The following SART3 variants were observed in gnomAD, a reference collection of about 807,000 sequenced individuals.
SART3 encodes spliceosome associated factor 3, U4/U6 recycling protein.
SART3 carries 44 observed loss-of-function variants against 122.3 expected under a neutral mutation model. The ratio of observed to expected loss-of-function variants is 0.36; its 90% CI spans 0.28 to 0.46. SART3 has a LOEUF of 0.46. Ranked by LOEUF, SART3 falls within the 20% of genes least tolerant of loss-of-function variation. The pLI, the probability that SART3 is intolerant of heterozygous loss-of-function variation, is 1.00. For synonymous variants in SART3, 442 were observed against 454.0 expected, an observed-to-expected ratio of 0.97 and a Z score of 0.34; for missense variants, 1,101 against 1,229.0, an observed-to-expected ratio of 0.90 and a Z score of 1.56.
At chr12:108,531,345 TTTC>T (rs1192716255) in intron 13 of SART3, 65 bp from the exon 14 acceptor site, 18 of 1,295,790 alleles carry the variant, frequency 1.4e-5, no homozygotes, top group Non-Finnish European at 1.7e-5. Flanking sequence ...CACATAAATT[TTTC>T]TTAATTTCTC....
At position 108,539,217 on chromosome 12, in the gene SART3, A is replaced by G. The variant is rs1485371044; in HGVS notation, c.907-128T>C. 3.4e-6 allele frequency: 3 copies of G among 883,988 alleles called. No homozygotes were observed. The East Asian group carries it at 7.9e-5, about 23-fold the overall frequency. The allele number at this position is 883,988 out of a possible 1,614,324, so 54.8% of individuals were successfully genotyped here. ...TCGCCAAATCCTCACTCTCAGAACC[A>G]CTCCACTATGGCCTCTACAACTTCT... On this transcript the variant is annotated intron_variant, in intron 6 of 18. Transcript: ENST00000546815.
At position 108,547,100 on chromosome 12, in the gene SART3, G is replaced by A. The variant is rs558371851; in HGVS notation, c.544+787C>T. ...CTCCCAAAGTTCTGGGATTACAGGC[G>A]TGAGCCACCACACCCAGCCTTAAAA... On this transcript the variant is annotated intron_variant, in intron 3 of 18. Transcript: ENST00000546815. 3.3e-5 allele frequency among the ~76,000 whole-genome samples: 5 copies of A among 152,330 alleles called. No individual in the cohort carries two copies. The South Asian group carries it at 8.3e-4, about 25-fold the overall frequency.
Position 108,561,114 on chromosome 12 carries a change from G to A in SART3, c.41C>T (p.Ala14Val), listed in dbSNP as rs934055359. 1 of 1,613,712 alleles carries A rather than the reference G, an allele frequency of 6.2e-7. No individual in the cohort carries two copies. Among genetic ancestry groups the A allele is most frequent in the East Asian group, 2.2e-5 (1 of 44,862 alleles). The change falls in exon 1 of 19, where the codon GCT becomes GTT. Residue 14 changes from alanine to valine, a missense_variant. Around this residue, in one of 2 missense-constraint regions of SART3, gnomAD observed 216 missense variants for 148.9 expected, o/e 1.45. Transcript: ENST00000546815. ...AGCCTTGGGCCCAGCCTTGGACTCA[G>A]CCTCGGGTTCTGAAGCCGAGGTTTC... The part of the protein sequence containing the change: ...AAETSASEPE[A>V]ESKAGPKADG...
At chr12:108,523,882 A>G (rs896415373) in intron 18 of SART3, 20 of 597,738 alleles carry the variant, frequency 3.3e-5, no homozygotes, top group South Asian at 2.8e-4. Context: ...GATCAGTGTG[A>G]CTATCACCTC....
chr12:108,554,725 A>G (rs1395077797), intron 1 of SART3, among the ~76,000 whole-genome samples: 1 of 150,238 alleles, frequency 6.7e-6, no homozygotes, highest in African/African-American at 2.4e-5. Flanking sequence ...TCCTTTTAAA[A>G]AACACAAAAA....
At chr12:108,537,701 T>C (rs1050510440) in intron 8 of SART3, 106 bp from the exon 9 acceptor site, 8 of 830,332 alleles carry the variant, frequency 9.6e-6, no homozygotes, top group African/African-American at 1.7e-5. Context: ...TAAAGACTAA[T>C]AGATGCAACA....
In SART3 at chr12:108,538,799, T is replaced by C. The variant is rs191584346; in HGVS notation, c.1062+135A>G. Reference sequence around the variant, plus strand: ...GAAACACTAAAACTTTCTAAACGAGTTGGCAAAGAGGAGAAAAAGCAGATG... The same window carrying C: ...GAAACACTAAAACTTTCTAAACGAGCTGGCAAAGAGGAGAAAAAGCAGATG... On this transcript the variant is annotated intron_variant, in intron 7 of 18. Coordinates refer to ENST00000546815, the MANE Select transcript of SART3 (RefSeq NM_014706.4). 1.2e-5 allele frequency: 13 copies of C among 1,047,306 alleles called. No individual in the cohort carries two copies. The Admixed American group carries it at 1.5e-4, about 12-fold the overall frequency. The allele number at this position is 1,047,306 out of a possible 1,614,324, so 64.9% of individuals were successfully genotyped here.
intron 11 of SART3, 166 bp from the exon 12 acceptor site, chr12:108,535,634 C>T (rs1167154898): frequency 2.9e-6 from 2 of 686,524 alleles, no homozygotes; most frequent in Non-Finnish European, 5.4e-6. Flanking sequence ...ACGACCCAGC[C>T]CAAACACTTG....
At chr12:108,531,680 A>G (rs186896314) in intron 13 of SART3, 1 of 265,812 alleles carries the variant, frequency 3.8e-6, no homozygotes. Flanking sequence ...CCAGACCAAT[A>G]CCCACAGATA....
At chr12:108,556,021 C>T (rs1341580518) in intron 1 of SART3, among the ~76,000 whole-genome samples, 1 of 152,104 alleles carries the variant, frequency 6.6e-6, no homozygotes, top group African/African-American at 2.4e-5. Context: ...TCAGGTGGCA[C>T]TTGCTGTTTC....
chr12:108,554,176 T>C (rs1037491695), intron 1 of SART3: 4 of 112,098 alleles, frequency 3.6e-5, no homozygotes, highest in Admixed American at 2.4e-4. Context: ...TAGCCCCCTA[T>C]ATGCTGCAAG....
intron 12 of SART3, among the ~76,000 whole-genome samples, chr12:108,533,477 CTT>C (rs758687308): frequency 4.2e-4 from 63 of 149,526 alleles, no homozygotes; most frequent in Non-Finnish European, 5.5e-4. Flanking sequence ...TGAAAGGAAA[CTT>C]GAGTGACAAA....
At chr12:108,537,351 T>A in intron 9 of SART3, 137 bp downstream of exon 9, 1 of 698,884 alleles carries the variant, frequency 1.4e-6, no homozygotes, top group Non-Finnish European at 2.6e-6. Flanking sequence ...TTGCTAAGAT[T>A]TCTGGGGGAA....
chr12:108,529,706 T>C (rs557286743), intron 15 of SART3, among the ~76,000 whole-genome samples: 1 of 152,132 alleles, frequency 6.6e-6, no homozygotes, highest in East Asian at 1.9e-4. Context: ...CCGAGATGCA[T>C]GAGTGGAATC....
In SART3 at chr12:108,536,840, T is replaced by C. The variant is rs931631442; in HGVS notation, c.1310-55A>G. On this transcript the variant is annotated intron_variant, in intron 9 of 18. Transcript: ENST00000546815. ...GAAACCACATAGCCTGGCTTTGTTT[T>C]ATTTTTTATCCTATGCTGAAACTGC... 83 of 1,526,126 alleles carry C rather than the reference T, an allele frequency of 5.4e-5. No individual in the cohort carries two copies. In the African/African-American group the frequency reaches 1.0e-3, roughly 19 times the overall value. 94.5% of individuals were successfully genotyped at this position (1,526,126 alleles called of 1,614,324 possible).
intron 1 of SART3, among the ~76,000 whole-genome samples, chr12:108,555,863 C>T (rs976860588): frequency 3.9e-5 from 6 of 151,946 alleles, no homozygotes; most frequent in Middle Eastern, 3.4e-3. Context: ...GCCAAAACAC[C>T]CTGCAAGGAA....
At chr12:108,529,575 T>C (rs993107153) in intron 15 of SART3, among the ~76,000 whole-genome samples, 3 of 152,332 alleles carry the variant, frequency 2.0e-5, no homozygotes, top group East Asian at 1.9e-4. Flanking sequence ...CTGGGATAAG[T>C]AGAGAATCAG....
chr12:108,535,658 C>G, intron 11 of SART3, 190 bp from the exon 12 acceptor site: 1 of 640,772 alleles, frequency 1.6e-6, no homozygotes, highest in Non-Finnish European at 2.9e-6. Flanking sequence ...CTTTCTGCAG[C>G]CACAAGCTAA....
chr12:108,531,906 T>C (rs945465793), intron 13 of SART3: 1 of 371,454 alleles, frequency 2.7e-6, no homozygotes, highest in Non-Finnish European at 5.2e-6. Context: ...TTGGTTGTGG[T>C]GGTGAAGCTG....
Sources: gnomAD v4.1 joint callset for allele counts (sites outside exome capture counted in the v4.1 genomes callset) on GRCh38, gnomAD v4.1.1 for gene constraint, gnomAD v4.1.1 regional missense constraint, MANE v1.5 for transcripts, NCBI Gene and HGNC (gene_info 2026-07-23, HGNC 2026-07-21) for gene names.